PCDH15: variants seen among roughly 807,000 people sequenced by gnomAD.
PCDH15 encodes protocadherin related 15, also known as protocadherin-15.
PCDH15 carries 129 observed loss-of-function variants against 178.5 expected under a neutral mutation model. The observed-to-expected ratio is 0.72, with a 90% CI of 0.63 to 0.84. The LOEUF is 0.84. Ranked by LOEUF, PCDH15 falls within the 40% of genes least tolerant of loss-of-function variation. PCDH15 has a pLI of 0.00. For missense variants in PCDH15, 2,230 were observed against 2,099.9 expected (o/e 1.06, Z -1.21); for synonymous variants, 800 against 732.0 (o/e 1.09, Z -1.50).
intron 2 of PCDH15, among the ~76,000 whole-genome samples, chr10:54,603,203 T>C (rs1029010665): frequency 2.0e-5 from 3 of 151,988 alleles, no homozygotes; most frequent in African/African-American, 4.8e-5. Context: ...GGGCTCTTTT[T>C]ATTTCTGAGA....
chr10:55,120,862 T>G (rs1837748944), intron 2 of PCDH15, among the ~76,000 whole-genome samples: 1 of 152,160 alleles, frequency 6.6e-6, no homozygotes, highest in African/African-American at 2.4e-5. Flanking sequence ...TGTAGGTGCA[T>G]AGAGTACAAA....
At chr10:55,353,984 G>C (rs1424803120) in intron 2 of PCDH15, among the ~76,000 whole-genome samples, 11 of 151,918 alleles carry the variant, frequency 7.2e-5, no homozygotes, top group Admixed American at 7.2e-4. Flanking sequence ...CTTTATATTT[G>C]ATCTTCATAT....
intron 2 of PCDH15, among the ~76,000 whole-genome samples, chr10:55,043,638 A>T (rs1454275172): frequency 1.3e-5 from 2 of 151,990 alleles, no homozygotes; most frequent in Non-Finnish European, 2.9e-5. Context: ...TGAGCCTGGG[A>T]GCTCAATGCT....
intron 2 of PCDH15, among the ~76,000 whole-genome samples, chr10:55,365,759 C>A (rs1257453879): frequency 6.6e-6 from 1 of 152,068 alleles, no homozygotes. Flanking sequence ...GTGAGGCTTC[C>A]CCAGCCATGT....
intron 2 of PCDH15, among the ~76,000 whole-genome samples, chr10:54,995,783 G>A (rs1431196879): frequency 6.6e-6 from 1 of 151,602 alleles, no homozygotes; most frequent in Non-Finnish European, 1.5e-5. Flanking sequence ...GCATCTGGAC[G>A]ATGAGATACT....
chr10:54,991,625 T>C (rs903549071), intron 2 of PCDH15, among the ~76,000 whole-genome samples: 1 of 152,164 alleles, frequency 6.6e-6, no homozygotes, highest in Non-Finnish European at 1.5e-5. Flanking sequence ...ATGTCTTACA[T>C]ACCTCAGGCA....
chr10:54,946,151 A>T (rs1179258637), intron 2 of PCDH15, among the ~76,000 whole-genome samples: 2 of 151,862 alleles, frequency 1.3e-5, no homozygotes, highest in African/African-American at 4.8e-5. Context: ...TTAATGACCA[A>T]AGACTTCATA....
At chr10:55,158,369 G>T (rs1838956232) in intron 2 of PCDH15, among the ~76,000 whole-genome samples, 2 of 152,028 alleles carry the variant, frequency 1.3e-5, no homozygotes, top group Non-Finnish European at 2.9e-5. Flanking sequence ...AAAGTGGTAG[G>T]TGGGGGTGAT....
chr10:55,046,536 G>A (rs765462309), intron 2 of PCDH15, among the ~76,000 whole-genome samples: 20 of 151,856 alleles, frequency 1.3e-4, no homozygotes, highest in Non-Finnish European at 2.8e-4. Context: ...TAAAAATAAG[G>A]TTATGAAAAG....
intron 5 of PCDH15, among the ~76,000 whole-genome samples, chr10:54,356,347 T>G (rs1944969570): frequency 6.6e-6 from 1 of 152,016 alleles, no homozygotes; most frequent in South Asian, 2.1e-4. Context: ...CAAGGAAGTA[T>G]TGTGGAAATG....
intron 26 of PCDH15, among the ~76,000 whole-genome samples, chr10:53,892,919 C>A (rs2081673722): frequency 1.3e-5 from 2 of 151,730 alleles, no homozygotes; most frequent in Admixed American, 6.6e-5. Flanking sequence ...CACAGAATTT[C>A]AAAATGAATG....
At chr10:53,842,085 A>G (rs1397070958) in intron 28 of PCDH15, among the ~76,000 whole-genome samples, 2 of 152,170 alleles carry the variant, frequency 1.3e-5, no homozygotes, top group Admixed American at 1.3e-4. Flanking sequence ...AACAAAAATA[A>G]GAGAGGCCTC....
intron 3 of PCDH15, among the ~76,000 whole-genome samples, chr10:54,407,333 A>G (rs1952816211): frequency 6.6e-6 from 1 of 152,088 alleles, no homozygotes; most frequent in Non-Finnish European, 1.5e-5. Flanking sequence ...TAACGTTGGT[A>G]TATTTCATTG....
intron 3 of PCDH15, among the ~76,000 whole-genome samples, chr10:54,434,863 A>G (rs1271489386): frequency 1.3e-5 from 2 of 152,192 alleles, no homozygotes; most frequent in Admixed American, 6.5e-5. Flanking sequence ...TTTTCTTCTC[A>G]CTAGTAACTG....
At chr10:54,753,034 C>T (rs914133401) in intron 1 of PCDH15, among the ~76,000 whole-genome samples, 2 of 152,272 alleles carry the variant, frequency 1.3e-5, no homozygotes, top group Non-Finnish European at 2.9e-5. Context: ...CATATACTGA[C>T]TGCCTATTTA....
At chr10:55,394,996 A>G (rs558875982) in intron 2 of PCDH15, among the ~76,000 whole-genome samples, 1 of 152,136 alleles carries the variant, frequency 6.6e-6, no homozygotes, top group Non-Finnish European at 1.5e-5. Context: ...GTGAATTGTA[A>G]TAATATTTAA....
At chr10:54,520,536 A>G (rs1175213900) in intron 3 of PCDH15, among the ~76,000 whole-genome samples, 3 of 152,188 alleles carry the variant, frequency 2.0e-5, no homozygotes, top group Non-Finnish European at 4.4e-5. Flanking sequence ...ACCAGTTAGA[A>G]TAGCAATCAT....
intron 26 of PCDH15, among the ~76,000 whole-genome samples, chr10:53,899,179 T>C (rs993404310): frequency 1.3e-5 from 2 of 151,812 alleles, no homozygotes; most frequent in African/African-American, 4.8e-5. Context: ...ATGTGGCTTC[T>C]GTAAGGGTAG....
rs538752282 is a variant in PCDH15 at position 55,094,554 on chromosome 10, A to T, written c.-80+72022T>A. Among the ~76,000 whole-genome samples, 107 of 152,048 alleles carry T rather than the reference A, an allele frequency of 7.0e-4. No homozygotes were observed. The South Asian group carries it at 9.7e-3, about 14-fold the overall frequency. ...CTTAAAGTATAATAAAAAATAAATT[A>T]AAAAAAATTAGGTAGTATTGGCAAC... is the stretch of plus-strand genomic sequence containing the variant. On this transcript the variant is annotated intron_variant, in intron 2 of 5. Coordinates refer to the PCDH15 transcript ENST00000458638.
Sources: allele counts gnomAD v4.1 joint callset (sites outside exome capture counted in the v4.1 genomes callset), GRCh38; gene constraint gnomAD v4.1.1; transcripts MANE v1.5; gene names NCBI Gene and HGNC (gene_info 2026-07-23, HGNC 2026-07-21).